DOCK3: variants seen among roughly 807,000 people sequenced by gnomAD.
The protein encoded by DOCK3 is dedicator of cytokinesis protein 3.
In DOCK3, 60 loss-of-function variants were observed where a neutral mutation model predicts 265.6. The ratio of observed to expected loss-of-function variants is 0.23; its 90% confidence interval spans 0.18 to 0.28. The LOEUF (loss-of-function observed/expected upper bound fraction) is 0.28. Ranked by LOEUF, DOCK3 falls within the 10% of genes least tolerant of loss-of-function variation. DOCK3 has a pLI of 1.00. For synonymous variants in DOCK3, 881 were observed against 938.0 expected, an observed-to-expected ratio of 0.94 and a Z score of 1.11; for missense variants, 1,981 against 2,594.3, an observed-to-expected ratio of 0.76 and a Z score of 5.14.
intron 2 of DOCK3, among the ~76,000 whole-genome samples, chr3:50,820,910 A>G (rs1442235183): frequency 6.8e-6 from 1 of 147,274 alleles, no homozygotes. Flanking sequence ...GGTGATGATG[A>G]GCATTTTTTC....
chr3:51,247,888 C>G (rs1387842148), intron 22 of DOCK3, among the ~76,000 whole-genome samples: 1 of 152,166 alleles, frequency 6.6e-6, no homozygotes, highest in Non-Finnish European at 1.5e-5. Context: ...TCTCAGAACC[C>G]TAGCACCTGT....
chr3:50,863,439 G>A, intron 3 of DOCK3: 1 of 520,004 alleles, frequency 1.9e-6, no homozygotes, highest in South Asian at 1.4e-5. Context: ...CTTTCCAACA[G>A]TTTGGTGATT....
At chr3:50,778,416 T>C (rs1005218039) in intron 1 of DOCK3, among the ~76,000 whole-genome samples, 12 of 152,204 alleles carry the variant, frequency 7.9e-5, no homozygotes, top group African/African-American at 2.4e-5. Flanking sequence ...ACTCTGTTAA[T>C]AGAAATGTTT....
intron 3 of DOCK3, among the ~76,000 whole-genome samples, chr3:50,884,414 G>C (rs1184520762): frequency 6.6e-6 from 1 of 152,148 alleles, no homozygotes; most frequent in Non-Finnish European, 1.5e-5. Context: ...TCAATAATAT[G>C]AACAGCTCAT....
intron 23 of DOCK3, among the ~76,000 whole-genome samples, chr3:51,268,782 A>C (rs533287210): frequency 6.6e-6 from 1 of 152,202 alleles, no homozygotes; most frequent in East Asian, 1.9e-4. Flanking sequence ...AAGGAACTCT[A>C]TAAGGGAGTA....
intron 5 of DOCK3, among the ~76,000 whole-genome samples, chr3:50,950,211 A>G (rs1304257377): frequency 1.3e-5 from 2 of 151,906 alleles, no homozygotes; most frequent in East Asian, 3.9e-4. Flanking sequence ...TACCCATTTT[A>G]TATTCTGTAT....
chr3:51,083,141 T>C (rs2109462282), intron 7 of DOCK3, among the ~76,000 whole-genome samples: 1 of 152,278 alleles, frequency 6.6e-6, no homozygotes, highest in African/African-American at 2.4e-5. Flanking sequence ...CCACAGCATC[T>C]ACTAACAACC....
Position 51,016,908 on chromosome 3 carries a change from T to TTA in DOCK3, c.316-47533_316-47532dup, listed in dbSNP as rs1208436048. Reference sequence around the variant, plus strand: ...ATATATAAATATATATGATATATGTTTATATATAAATATATTAATATATAC... The same window carrying TTA: ...ATATATAAATATATATGATATATGTTTATATATATAAATATATTAATATATAC... On this transcript the variant is annotated intron_variant, in intron 5 of 52. Coordinates refer to ENST00000266037, the MANE Select transcript of DOCK3 (RefSeq NM_004947.5). Among the ~76,000 whole-genome samples, 7 of 121,312 alleles carry TTA rather than the reference T, an allele frequency of 5.8e-5. 1 individual carries two copies. Among genetic ancestry groups the TTA allele is most frequent in the African/African-American group, 2.3e-4 (7 of 30,474 alleles). The allele number at this position is 121,312 out of a possible 152,430, so 79.6% of individuals were successfully genotyped here.
intron 1 of DOCK3, among the ~76,000 whole-genome samples, chr3:50,754,206 A>T (rs968372231): frequency 6.6e-6 from 1 of 151,726 alleles, no homozygotes; most frequent in African/African-American, 2.4e-5. Context: ...AGAAAACCAA[A>T]TACTGCGTGT....
chr3:51,327,110 C>G (rs2084179075), intron 32 of DOCK3, among the ~76,000 whole-genome samples: 1 of 152,184 alleles, frequency 6.6e-6, no homozygotes, highest in African/African-American at 2.4e-5. Flanking sequence ...TATGTTCCAT[C>G]TAAGCAATCA....
At chr3:51,216,290 T>G (rs2089783008) in intron 14 of DOCK3, among the ~76,000 whole-genome samples, 1 of 152,212 alleles carries the variant, frequency 6.6e-6, no homozygotes, top group African/African-American at 2.4e-5. Flanking sequence ...TGGAAAGAAA[T>G]CTTTTTTAGG....
At chr3:50,799,763 C>T (rs2042978957) in intron 2 of DOCK3, among the ~76,000 whole-genome samples, 1 of 151,944 alleles carries the variant, frequency 6.6e-6, no homozygotes, top group South Asian at 2.1e-4. Context: ...GAGTGGAGAT[C>T]CTTGTCTTGT....
At chr3:51,101,614 C>A (rs2083093313) in intron 9 of DOCK3, among the ~76,000 whole-genome samples, 1 of 152,160 alleles carries the variant, frequency 6.6e-6, no homozygotes, top group South Asian at 2.1e-4. Context: ...CCCTCTGTTC[C>A]TTTTCCTTAG....
intron 1 of DOCK3, among the ~76,000 whole-genome samples, chr3:50,766,446 A>G (rs948141029): frequency 2.0e-5 from 3 of 152,124 alleles, no homozygotes; most frequent in African/African-American, 7.2e-5. Context: ...TACAAAGGAC[A>G]TGAACTCATC....
intron 22 of DOCK3, among the ~76,000 whole-genome samples, chr3:51,253,653 G>T (rs2079385576): frequency 6.6e-6 from 1 of 152,180 alleles, no homozygotes; most frequent in Non-Finnish European, 1.5e-5. Context: ...TATTTGCGTA[G>T]AGGTGCTTCT....
rs59584829 is a variant in DOCK3, at chr3:50,948,401, C to CTTT, written c.315+14343_315+14345dup. On this transcript the variant is annotated intron_variant, in intron 5 of 52. Coordinates refer to ENST00000266037, the MANE Select transcript of DOCK3 (RefSeq NM_004947.5). ...TAGAAATTGATGTTGAAGTTTTAAT[C>CTTT]TTTTTTTTTTTTTTTTTTTTTAGTC... Among the ~76,000 whole-genome samples, 103 of 98,638 alleles carry CTTT rather than the reference C, an allele frequency of 1.0e-3. 4 individuals carry two copies. Among genetic ancestry groups the CTTT allele is most frequent in the Admixed American group, 2.7e-3 (20 of 7,290 alleles). The allele number at this position is 98,638 out of a possible 152,430, so 64.7% of individuals were successfully genotyped here.
intron 2 of DOCK3, among the ~76,000 whole-genome samples, chr3:50,826,969 A>G (rs760792542): frequency 2.0e-5 from 3 of 152,184 alleles, no homozygotes; most frequent in Non-Finnish European, 4.4e-5. Context: ...AATTTGGGAA[A>G]ATTTTCCAGA....
chr3:50,677,153 A>G (rs1401525746), intron 1 of DOCK3, among the ~76,000 whole-genome samples: 1 of 152,248 alleles, frequency 6.6e-6, no homozygotes, highest in African/African-American at 2.4e-5. Context: ...AATGCTTGCT[A>G]AATGAGAGAG....
At chr3:50,893,201 A>G (rs149533306) in intron 4 of DOCK3, 113 of 252,098 alleles carry the variant, frequency 4.5e-4, no homozygotes, top group African/African-American at 2.4e-3. Flanking sequence ...GCTGCAAGGA[A>G]GATGAAGGAT....
Sources: allele counts gnomAD v4.1 joint callset (sites outside exome capture counted in the v4.1 genomes callset), GRCh38; gene constraint gnomAD v4.1.1; transcripts MANE v1.5; gene names NCBI Gene and HGNC (gene_info 2026-07-23, HGNC 2026-07-21).